The following FSTL5 variants were observed in gnomAD, a reference collection of about 807,000 sequenced individuals.
FSTL5 encodes follistatin-related protein 5.
Under a neutral mutation model 89.1 loss-of-function variants are expected in FSTL5, and 62 were observed. The ratio of observed to expected loss-of-function variants is 0.70; its 90% confidence interval spans 0.57 to 0.86. The LOEUF (loss-of-function observed/expected upper bound fraction) is 0.86, where lower values mean the gene tolerates loss of function less well. FSTL5 is among the 40% of genes least tolerant of loss of function. FSTL5 has a pLI of 0.00. For synonymous variants in FSTL5, 383 were observed against 346.2 expected (o/e 1.11, Z -1.18); for missense variants, 1,057 against 1,001.6 (o/e 1.06, Z -0.75).
intron 4 of FSTL5, among the ~76,000 whole-genome samples, chr4:161,826,891 C>T (rs1310488422): frequency 6.6e-6 from 1 of 152,076 alleles, no homozygotes; most frequent in East Asian, 1.9e-4. Flanking sequence ...TTATGTTCAA[C>T]GTTGAGATGT....
chr4:161,536,071 C>T (rs1170731844), intron 10 of FSTL5, among the ~76,000 whole-genome samples: 6 of 151,950 alleles, frequency 3.9e-5, no homozygotes, highest in African/African-American at 1.4e-4. Flanking sequence ...GAAAAATGGA[C>T]ACTGGGAACT....
At chr4:161,860,693 G>C (rs951894033) in intron 4 of FSTL5, among the ~76,000 whole-genome samples, 6 of 152,126 alleles carry the variant, frequency 3.9e-5, no homozygotes, top group African/African-American at 9.7e-5. Context: ...GTGATTCTCT[G>C]AGAAGGGAGT....
intron 4 of FSTL5, among the ~76,000 whole-genome samples, chr4:161,800,576 T>C (rs1467293178): frequency 6.6e-6 from 1 of 151,696 alleles, no homozygotes; most frequent in Non-Finnish European, 1.5e-5. Flanking sequence ...AGAATTGCCC[T>C]GATTTCTTTA....
intron 13 of FSTL5, among the ~76,000 whole-genome samples, chr4:161,472,239 A>G (rs1733971083): frequency 6.6e-6 from 1 of 152,138 alleles, no homozygotes; most frequent in Non-Finnish European, 1.5e-5. Context: ...GGCCTCCCAA[A>G]GTGCTGGAAT....
intron 1 of FSTL5, among the ~76,000 whole-genome samples, chr4:162,140,912 C>T (rs1318324425): frequency 6.6e-6 from 1 of 151,972 alleles, no homozygotes; most frequent in Non-Finnish European, 1.5e-5. Flanking sequence ...TATTTGTCCT[C>T]TTCAAATCTG....
At chr4:161,736,092 G>A (rs745367802) in intron 6 of FSTL5, among the ~76,000 whole-genome samples, 2 of 152,074 alleles carry the variant, frequency 1.3e-5, no homozygotes, top group Non-Finnish European at 2.9e-5. Flanking sequence ...CTCATTAGAT[G>A]AGTATGTGTG....
intron 7 of FSTL5, among the ~76,000 whole-genome samples, chr4:161,641,992 G>C (rs1735983829): frequency 6.6e-6 from 1 of 152,016 alleles, no homozygotes; most frequent in Admixed American, 6.6e-5. Context: ...ATAGCAAAAT[G>C]AAAGAAATAA....
chr4:161,437,491 C>T (rs1343140783), intron 15 of FSTL5, among the ~76,000 whole-genome samples: 3 of 139,042 alleles, frequency 2.2e-5, no homozygotes, highest in Admixed American at 7.9e-5. Flanking sequence ...GGCGTGAAAC[C>T]GGGAGGCGGA....
At chr4:161,635,416 T>G (rs961135224) in intron 7 of FSTL5, among the ~76,000 whole-genome samples, 14 of 151,908 alleles carry the variant, frequency 9.2e-5, no homozygotes, top group African/African-American at 3.1e-4. Context: ...AAATTATATC[T>G]ACCTGCTATA....
At chr4:161,528,663 T>G (rs2126527029) in intron 10 of FSTL5, among the ~76,000 whole-genome samples, 1 of 143,544 alleles carries the variant, frequency 7.0e-6, no homozygotes, top group Non-Finnish European at 1.5e-5. Flanking sequence ...CTTTGCACAT[T>G]TATGCCATTA....
At chr4:161,612,206 A>T (rs187424412) in intron 7 of FSTL5, among the ~76,000 whole-genome samples, 104 of 152,396 alleles carry the variant, frequency 6.8e-4, no homozygotes, top group African/African-American at 1.8e-3. Context: ...TTTAGAATAA[A>T]GAGAAAGCAA....
intron 4 of FSTL5, among the ~76,000 whole-genome samples, chr4:161,876,352 C>G (rs918658009): frequency 3.3e-5 from 5 of 151,970 alleles, no homozygotes; most frequent in African/African-American, 1.2e-4. Context: ...TATGTTTTAT[C>G]AATGAGGAAA....
chr4:161,439,769 G>T (rs527599920), intron 15 of FSTL5, among the ~76,000 whole-genome samples: 83 of 152,086 alleles, frequency 5.5e-4, no homozygotes, highest in African/African-American at 1.9e-3. Flanking sequence ...GCAAATATAT[G>T]TATATACAGG....
At chr4:161,598,521 T>C (rs1734115343) in intron 7 of FSTL5, among the ~76,000 whole-genome samples, 1 of 152,190 alleles carries the variant, frequency 6.6e-6, no homozygotes, top group African/African-American at 2.4e-5. Context: ...GATTTGCCTC[T>C]ATCATATATC....
chr4:161,781,674 C>T (rs900024995), intron 4 of FSTL5, among the ~76,000 whole-genome samples: 66 of 152,078 alleles, frequency 4.3e-4, no homozygotes, highest in African/African-American at 1.5e-3. Context: ...CAGCTCTTCC[C>T]CAGCTATCGA....
At chr4:161,564,399 C>T (rs949229900) in intron 8 of FSTL5, among the ~76,000 whole-genome samples, 7 of 150,826 alleles carry the variant, frequency 4.6e-5, no homozygotes, top group African/African-American at 1.7e-4. Flanking sequence ...GGAGAAACTG[C>T]AGTTTTCAGT....
At chr4:162,060,308 GA>G (rs1422260737) in intron 2 of FSTL5, among the ~76,000 whole-genome samples, 1 of 152,042 alleles carries the variant, frequency 6.6e-6, no homozygotes, top group Non-Finnish European at 1.5e-5. Context: ...CTCAGTCGGT[GA>G]AACTAAAGCC....
intron 4 of FSTL5, among the ~76,000 whole-genome samples, chr4:161,798,474 C>CTT (rs58425260): frequency 1.5e-4 from 22 of 146,928 alleles, no homozygotes; most frequent in African/African-American, 4.2e-4. Flanking sequence ...CATTGTAATA[C>CTT]TTTTTTTTTT....
At chr4:161,891,912 A>G (rs1345259132) in intron 4 of FSTL5, among the ~76,000 whole-genome samples, 1 of 151,992 alleles carries the variant, frequency 6.6e-6, no homozygotes, top group Non-Finnish European at 1.5e-5. Context: ...CTTCACAACT[A>G]TTGAGGCTTA....
Sources: gnomAD v4.1 joint callset for allele counts (sites outside exome capture counted in the v4.1 genomes callset) on GRCh38, gnomAD v4.1.1 for gene constraint, MANE v1.5 for transcripts, NCBI Gene and HGNC (gene_info 2026-07-23, HGNC 2026-07-21) for gene names.